PRKCZ: variants seen among roughly 807,000 people sequenced by gnomAD.
The protein encoded by PRKCZ is protein kinase C zeta, also known as protein kinase C zeta type.
PRKCZ carries 33 observed loss-of-function variants against 79.5 expected under a neutral mutation model. The observed-to-expected ratio is 0.41, with a 90% CI of 0.31 to 0.55. The LOEUF (loss-of-function observed/expected upper bound fraction) is 0.55. Ranked by LOEUF, PRKCZ falls within the 20% of genes least tolerant of loss-of-function variation. The probability of loss-of-function intolerance (pLI) is 0.19; values close to 1 mark genes in which losing one functional copy is unlikely to be tolerated. For synonymous variants in PRKCZ, 342 were observed against 320.9 expected (o/e 1.07, Z -0.70); for missense variants, 578 against 813.5 (o/e 0.71, Z 3.52).
At chr1:2,059,079 G>A (rs569998888) in intron 3 of PRKCZ, among the ~76,000 whole-genome samples, 33 of 152,262 alleles carry the variant, frequency 2.2e-4, no homozygotes, top group African/African-American at 7.7e-4. Context: ...GCAGGCGTGA[G>A]CCATCATGTC....
chr1:2,119,845 G>C (rs1317297377), intron 4 of PRKCZ, among the ~76,000 whole-genome samples: 1 of 147,656 alleles, frequency 6.8e-6, no homozygotes, highest in African/African-American at 2.5e-5. Context: ...GGAGTGCAGT[G>C]GTGTGATTTT....
chr1:2,092,626 G>C (rs1241172941), intron 4 of PRKCZ, among the ~76,000 whole-genome samples: 2 of 152,230 alleles, frequency 1.3e-5, no homozygotes, highest in African/African-American at 4.8e-5. Flanking sequence ...GCTTGAAGAC[G>C]TTGTACGTGG....
chr1:2,066,406 G>A (rs775913975), intron 4 of PRKCZ, among the ~76,000 whole-genome samples: 5 of 152,094 alleles, frequency 3.3e-5, no homozygotes, highest in African/African-American at 7.2e-5. Flanking sequence ...GCAGTGGCTC[G>A]ATCTCAGCTC....
chr1:2,180,640 G>A (rs1252352904), intron 16 of PRKCZ, among the ~76,000 whole-genome samples: 1 of 152,156 alleles, frequency 6.6e-6, no homozygotes, highest in Non-Finnish European at 1.5e-5. Context: ...TCAGATGCAC[G>A]GACACCCAGA....
intron 4 of PRKCZ, chr1:2,134,789 G>C (rs1000618804): frequency 6.5e-6 from 1 of 153,188 alleles, no homozygotes; most frequent in South Asian, 2.0e-4. Context: ...CTCCACTGTG[G>C]CGTCCACTCT....
chr1:2,110,203 G>A (rs1222216840), intron 4 of PRKCZ, among the ~76,000 whole-genome samples: 1 of 119,842 alleles, frequency 8.3e-6, no homozygotes, highest in African/African-American at 3.3e-5. Context: ...GAACGGCCAG[G>A]GCTGAATCCG....
chr1:2,164,307 T>G (rs1448521424), intron 10 of PRKCZ, among the ~76,000 whole-genome samples: 2 of 152,094 alleles, frequency 1.3e-5, no homozygotes, highest in Admixed American at 6.5e-5. Context: ...CAGGGACCCT[T>G]TATTGGGTCC....
Position 2,174,944 on chromosome 1 carries a change from T to G in PRKCZ, c.1485+111T>G, listed in dbSNP as rs1572009535. The G allele has an allele frequency of 1.0e-5, 12 of 1,145,154 alleles. No homozygotes were observed. The highest frequency in any genetic ancestry group is 1.5e-5 in the African/African-American group (1 of 65,064). 70.9% of individuals were successfully genotyped at this position (1,145,154 alleles called of 1,614,324 possible). On this transcript the variant is annotated intron_variant, in intron 15 of 17. Transcript: ENST00000378567. The surrounding 1 kb of genome is among the most constrained non-coding windows in gnomAD (Gnocchi z 6.2). ...TTCATGTCGGCTGCTGTGTATCGGG[T>G]GTGTGGGTTGATTTTCCGCTTCAGT...
chr1:2,124,263 C>T lies in PRKCZ; in HGVS notation c.335-10999C>T, dbSNP rs61775459. On this transcript the variant is annotated intron_variant, in intron 4 of 17. Transcript: ENST00000378567. Reference sequence around the variant, plus strand: ...GTCACGGTGGTGGTTAGGGTCATGGCGGTAGTTAGGGTCACGGCTGTAGTT... The same window carrying T: ...GTCACGGTGGTGGTTAGGGTCATGGTGGTAGTTAGGGTCACGGCTGTAGTT... Among the ~76,000 whole-genome samples, 11 of 4,462 alleles carry T rather than the reference C, an allele frequency of 2.5e-3. 2 individuals carry two copies. The highest frequency in any genetic ancestry group is 9.4e-3 in the African/African-American group (6 of 636). 2.9% of individuals were successfully genotyped at this position (4,462 alleles called of 152,430 possible).
rs1662324154 is a variant in PRKCZ at position 2,075,923 on chromosome 1, C to T, written c.334+16332C>T. ...TCATCTGCCACACGTTTCTGATCGC[C>T]GAGGACTCAGCCGGGCACATGGAGG... On this transcript the variant is annotated intron_variant, in intron 4 of 17. Coordinates refer to ENST00000378567, the MANE Select transcript of PRKCZ (RefSeq NM_002744.6). This position sits in a 1 kb window ranked among gnomAD's most constrained non-coding sequence, Gnocchi z 4.8. 6.6e-6 allele frequency among the ~76,000 whole-genome samples: 1 copy of T among 152,212 alleles called. No individual in the cohort carries two copies. The highest frequency in any genetic ancestry group is 2.4e-5 in the African/African-American group (1 of 41,448).
chr1:2,154,584 G>C (rs1260776288), intron 9 of PRKCZ, among the ~76,000 whole-genome samples: 1 of 152,210 alleles, frequency 6.6e-6, no homozygotes, highest in African/African-American at 2.4e-5. Flanking sequence ...TGTAGTCCCA[G>C]CTCCTCTGGA....
intron 5 of PRKCZ, among the ~76,000 whole-genome samples, chr1:2,137,904 T>C (rs2103052325): frequency 6.6e-6 from 1 of 152,298 alleles, no homozygotes; most frequent in East Asian, 1.9e-4. Flanking sequence ...CGAGCCAGTT[T>C]CACAAACACA....
At chr1:2,085,792 C>T (rs573034187) in intron 4 of PRKCZ, among the ~76,000 whole-genome samples, 8 of 151,840 alleles carry the variant, frequency 5.3e-5, no homozygotes, top group Admixed American at 1.3e-4. Flanking sequence ...CGTGAGGCAC[C>T]GTGCTGGAGG....
intron 3 of PRKCZ, among the ~76,000 whole-genome samples, chr1:2,058,705 G>A (rs1557475332): frequency 6.6e-6 from 1 of 151,864 alleles, no homozygotes; most frequent in Non-Finnish European, 1.5e-5. Flanking sequence ...AGACCAGCCT[G>A]ACCAACATGG....
chr1:2,088,743 G>T (rs1385399071), intron 4 of PRKCZ, among the ~76,000 whole-genome samples: 1 of 152,220 alleles, frequency 6.6e-6, no homozygotes, highest in African/African-American at 2.4e-5. Context: ...CCAGGCGGCG[G>T]CGTCTCTTCA....
intron 4 of PRKCZ, among the ~76,000 whole-genome samples, chr1:2,126,328 T>G (rs553924688): frequency 6.6e-6 from 1 of 152,182 alleles, no homozygotes; most frequent in Non-Finnish European, 1.5e-5. Context: ...CTGCAGGGGC[T>G]GCCCGGCTGG....
Position 2,094,279 on chromosome 1 carries a change from G to A in PRKCZ, c.334+34688G>A, listed in dbSNP as rs1271902128. ...GACCCGAGGGTACCCTCGGCCTCCC[G>A]GCCTGAACTCTTCTCCTACCATGAT... On this transcript the variant is annotated intron_variant, in intron 4 of 17. Transcript: ENST00000378567. This position sits in a 1 kb window ranked among gnomAD's most constrained non-coding sequence, Gnocchi z 7.3. 6.6e-6 allele frequency among the ~76,000 whole-genome samples: 1 copy of A among 152,166 alleles called. No individual in the cohort carries two copies. Among genetic ancestry groups the A allele is most frequent in the Non-Finnish European group, 1.5e-5 (1 of 68,042 alleles).
chr1:2,102,584 G>A (rs988340123), intron 4 of PRKCZ, among the ~76,000 whole-genome samples: 31 of 152,186 alleles, frequency 2.0e-4, no homozygotes, highest in East Asian at 5.8e-4. Context: ...CGCCCGCCTT[G>A]GCCTCCCAAA....
In PRKCZ at chr1:2,172,037, C is replaced by T. The variant is rs749223878; in HGVS notation, c.1062-18C>T. ...TCTGGCACAGGCACTGCCCCCATGA[C>T]GGCATCCCCACCCCCAGGTTCTACG... On this transcript the variant is annotated intron_variant, in intron 11 of 17. Transcript: ENST00000378567. The surrounding 1 kb of genome is among the most constrained non-coding windows in gnomAD (Gnocchi z 7.8). 45 of 1,584,234 alleles carry T rather than the reference C, an allele frequency of 2.8e-5. No individual in the cohort carries two copies. Among genetic ancestry groups the T allele is most frequent in the East Asian group, 9.0e-5 (4 of 44,676 alleles).
Sources: gnomAD v4.1 joint callset for allele counts (sites outside exome capture counted in the v4.1 genomes callset) on GRCh38, gnomAD v4.1.1 for gene constraint, Gnocchi (gnomAD v3.1) non-coding constraint, MANE v1.5 for transcripts, NCBI Gene and HGNC (gene_info 2026-07-23, HGNC 2026-07-21) for gene names.